The following CAB39 variants were observed in gnomAD, a reference collection of about 807,000 sequenced individuals.
The protein encoded by CAB39 is calcium binding protein 39, also known as calcium-binding protein 39.
A neutral mutation model predicts 40.0 loss-of-function variants in CAB39; 8 were observed. The observed-to-expected ratio is 0.20, with a 90% CI of 0.12 to 0.36. The LOEUF (loss-of-function observed/expected upper bound fraction) is 0.36, where lower values mean the gene tolerates loss of function less well. Ranked by LOEUF, CAB39 falls within the 10% of genes least tolerant of loss-of-function variation. The pLI is 1.00. For synonymous variants in CAB39, 156 were observed against 141.6 expected, an observed-to-expected ratio of 1.10 and a Z score of -0.72; for missense variants, 270 against 401.1, an observed-to-expected ratio of 0.67 and a Z score of 2.79.
intron 2 of CAB39, among the ~76,000 whole-genome samples, chr2:230,781,100 C>T (rs927762341): frequency 1.3e-5 from 2 of 151,738 alleles, no homozygotes; most frequent in African/African-American, 4.8e-5. Context: ...AAAATTATCT[C>T]GGGGGAACTG....
chr2:230,790,064 A>C (rs1695867157), intron 2 of CAB39, among the ~76,000 whole-genome samples: 1 of 152,064 alleles, frequency 6.6e-6, no homozygotes, highest in Non-Finnish European at 1.5e-5. Flanking sequence ...TCTCTACTAA[A>C]AATACAAAAA....
chr2:230,746,022 G>C (rs543541298), intron 1 of CAB39, among the ~76,000 whole-genome samples: 30 of 152,242 alleles, frequency 2.0e-4, no homozygotes, highest in African/African-American at 6.0e-4. Context: ...ATTGCCCTTT[G>C]CCTATTTGGT....
intron 1 of CAB39, chr2:230,714,067 A>T (rs1694304493): frequency 6.6e-6 from 1 of 152,342 alleles, no homozygotes; most frequent in Admixed American, 6.5e-5. Context: ...AGGTGTGTGG[A>T]AGGGGTAGCA....
chr2:230,748,827 A>ATATTT (rs1379626328), intron 1 of CAB39, among the ~76,000 whole-genome samples: 1 of 56,496 alleles, frequency 1.8e-5, no homozygotes, highest in East Asian at 5.7e-4. Flanking sequence ...AAAAAAAAAA[A>ATATTT]AAAAATATAT....
intron 4 of CAB39, among the ~76,000 whole-genome samples, chr2:230,797,253 G>A (rs1212638227): frequency 2.0e-5 from 3 of 152,114 alleles, no homozygotes; most frequent in Non-Finnish European, 4.4e-5. Flanking sequence ...ATTGAAGTTG[G>A]GAAGATTTGG....
intron 1 of CAB39, among the ~76,000 whole-genome samples, chr2:230,731,791 AGCTGAATTGTAT>A (rs1358655366): frequency 2.6e-5 from 4 of 151,968 alleles, no homozygotes; most frequent in Admixed American, 6.5e-5. Context: ...CACCATGCCC[AGCTGAATTGTAT>A]GCTGAATTGT....
At chr2:230,719,759 C>T (rs6721632) in intron 1 of CAB39, among the ~76,000 whole-genome samples, 5,294 of 152,162 alleles carry the variant, frequency 0.035, 334 homozygotes, top group African/African-American at 0.12. Flanking sequence ...TACCAAGGGC[C>T]CCAGATTGAA....
At chr2:230,795,966 A>G (rs961119462) in intron 4 of CAB39, among the ~76,000 whole-genome samples, 9 of 152,090 alleles carry the variant, frequency 5.9e-5, no homozygotes, top group South Asian at 2.1e-4. Flanking sequence ...ATATGTCTCA[A>G]TCCATTCCAG....
At chr2:230,780,940 G>C (rs981880753) in intron 2 of CAB39, among the ~76,000 whole-genome samples, 2 of 152,048 alleles carry the variant, frequency 1.3e-5, no homozygotes, top group Admixed American at 1.3e-4. Context: ...AACGTGGTCA[G>C]ACATGGTGGT....
At chr2:230,734,770 G>A (rs1694756374) in intron 1 of CAB39, among the ~76,000 whole-genome samples, 1 of 149,318 alleles carries the variant, frequency 6.7e-6, no homozygotes, top group African/African-American at 2.6e-5. Context: ...GGAGTCTAAA[G>A]AGCTGGCCCA....
intron 1 of CAB39, among the ~76,000 whole-genome samples, chr2:230,714,712 T>A (rs1013538343): frequency 6.6e-6 from 1 of 152,242 alleles, no homozygotes; most frequent in African/African-American, 2.4e-5. Flanking sequence ...AGGTAAAACT[T>A]TGTTTTTATA....
At chr2:230,777,143 GATGTATA>G (rs1695606567) in intron 2 of CAB39, among the ~76,000 whole-genome samples, 1 of 71,342 alleles carries the variant, frequency 1.4e-5, no homozygotes, top group African/African-American at 2.0e-4. Context: ...ATGTTCTAAT[GATGTATA>G]TGATGTATGT....
At position 230,819,618 on chromosome 2, in the gene CAB39, G is replaced by C. The variant is rs1696471143; in HGVS notation, c.*914G>C. 1 of 152,540 alleles carries C rather than the reference G, an allele frequency of 6.6e-6. No homozygotes were observed. The highest frequency in any genetic ancestry group is 2.4e-5 in the African/African-American group (1 of 41,420). The allele number at this position is 152,540 out of a possible 1,614,324, so 9.4% of individuals were successfully genotyped here. ...GCTCATATGTAATTGAAATACTTCA[G>C]ATCACATGAAAATGCTGATTTAACA... On this transcript the variant is annotated 3_prime_UTR_variant, in exon 9 of 9. Coordinates refer to ENST00000258418, the MANE Select transcript of CAB39 (RefSeq NM_016289.4).
Position 230,760,042 on chromosome 2 carries a change from A to G in CAB39, c.41A>G (p.Asp14Gly). Residue 14 changes from aspartate to glycine, a missense_variant, in exon 2 of 9, where the codon GAC (aspartate) becomes GGC (glycine). By Grantham distance (94) the Asp-to-Gly change is moderately conservative. Coordinates refer to ENST00000258418, the MANE Select transcript of CAB39 (RefSeq NM_016289.4). The stretch of plus-strand genomic sequence containing the variant: ...GGGAAGTCTCACAAATCTCCAGCAG[A>G]CATTGTGAAGAATCTGAAGGAGAGC... ...PFGKSHKSPA[D>G]IVKNLKESMA... 6.2e-7 allele frequency: 1 copy of G among 1,613,988 alleles called. No individual in the cohort carries two copies. The highest frequency in any genetic ancestry group is 1.1e-5 in the South Asian group (1 of 91,078).
At chr2:230,782,809 C>CTTTTTTTTTTTTTTTTTTTTTTTTTTT (rs1408052300) in intron 2 of CAB39, among the ~76,000 whole-genome samples, 42 of 112,430 alleles carry the variant, frequency 3.7e-4, no homozygotes, top group African/African-American at 1.0e-3. Context: ...TTCTTTCTTT[C>CTTTTTTTTTTTTTTTTTTTTTTTTTTT]TTTCTTTTTT....
chr2:230,760,709 C>T (rs116015794), intron 2 of CAB39, among the ~76,000 whole-genome samples: 3,008 of 152,260 alleles, frequency 0.02, 92 homozygotes, highest in African/African-American at 0.068. Context: ...GTGCCAAATG[C>T]CTCCATCTAC....
At chr2:230,785,685 A>G (rs2124950411) in intron 2 of CAB39, among the ~76,000 whole-genome samples, 1 of 152,060 alleles carries the variant, frequency 6.6e-6, no homozygotes, top group East Asian at 1.9e-4. Flanking sequence ...TCAGAAGTAC[A>G]ACAAATAGCT....
At chr2:230,810,236 G>A (rs745412046) in intron 5 of CAB39, 27 bp from the exon 6 acceptor site, 63 of 1,178,578 alleles carry the variant, frequency 5.3e-5, no homozygotes, top group African/African-American at 1.4e-4. Flanking sequence ...GAGAACAACT[G>A]TAAACAATTT....
At chr2:230,735,547 T>G (rs1694774812) in intron 1 of CAB39, among the ~76,000 whole-genome samples, 1 of 152,038 alleles carries the variant, frequency 6.6e-6, no homozygotes. Flanking sequence ...AGAGTCTCCT[T>G]CTGTCACCCA....
Sources: allele counts gnomAD v4.1 joint callset (sites outside exome capture counted in the v4.1 genomes callset), GRCh38; gene constraint gnomAD v4.1.1; transcripts MANE v1.5; gene names NCBI Gene and HGNC (gene_info 2026-07-23, HGNC 2026-07-21).